Variants in CAMSAP1 observed in about 807,000 individuals in gnomAD.
CAMSAP1 encodes calmodulin-regulated spectrin-associated protein 1.
In CAMSAP1, 58 loss-of-function variants were observed where a neutral mutation model predicts 143.5. That is an observed-to-expected ratio of 0.40 (90% confidence interval 0.33 to 0.50). CAMSAP1 has a LOEUF of 0.50. CAMSAP1 is among the 20% of genes least tolerant of loss of function. The probability of loss-of-function intolerance (pLI) is 0.45; values close to 1 mark genes in which losing one functional copy is unlikely to be tolerated. For synonymous variants in CAMSAP1, 945 were observed against 859.3 expected, an observed-to-expected ratio of 1.10 and a Z score of -1.74; for missense variants, 1,969 against 2,115.7, an observed-to-expected ratio of 0.93 and a Z score of 1.36.
chr9:135,880,849 T>C (rs1404078631), intron 3 of CAMSAP1, among the ~76,000 whole-genome samples: 2 of 152,196 alleles, frequency 1.3e-5, no homozygotes, highest in African/African-American at 4.8e-5. Flanking sequence ...AAGGTAACCT[T>C]ATAAATCATT....
chr9:135,861,936 G>A (rs559828166), intron 5 of CAMSAP1, among the ~76,000 whole-genome samples: 23 of 152,278 alleles, frequency 1.5e-4, no homozygotes, highest in African/African-American at 4.3e-4. Flanking sequence ...CACTGTCATC[G>A]GAACGTCCCC....
chr9:135,821,359 G>C lies in CAMSAP1; in HGVS notation c.3302C>G (p.Ser1101Cys). 1 of 1,613,782 alleles carries C rather than the reference G, an allele frequency of 6.2e-7. No homozygotes were observed. Among genetic ancestry groups the C allele is most frequent in the Non-Finnish European group, 8.5e-7 (1 of 1,179,832 alleles). Residue 1101 changes from serine (S) to cysteine (C), a missense_variant, in exon 11 of 17, where the codon TCC (serine) becomes TGC (cysteine). Ser to Cys is a moderately radical substitution (Grantham distance 112, BLOSUM62 -1). Transcript: ENST00000389532. The surrounding 1 kb of genome is among the most constrained non-coding windows in gnomAD (Gnocchi z 4.6). ...GACCTTCAGCTCCGCCGGCCTTCCG[G>C]AACGGGAATTCCGGCCTTGACCCAG... ...PRLGQGRNSR[S>C]GRPAELKVPK...
chr9:135,891,165 T>C (rs1191292161), intron 1 of CAMSAP1, among the ~76,000 whole-genome samples: 1 of 152,090 alleles, frequency 6.6e-6, no homozygotes, highest in Non-Finnish European at 1.5e-5. Flanking sequence ...CCCTACAAGC[T>C]GGAGGGGGAA....
chr9:135,898,464 G>A (rs1371033927), intron 1 of CAMSAP1, among the ~76,000 whole-genome samples: 1 of 152,116 alleles, frequency 6.6e-6, no homozygotes, highest in Non-Finnish European at 1.5e-5. Flanking sequence ...GGGCAACACA[G>A]TGAGAGCCCA....
At position 135,907,243 on chromosome 9, in the gene CAMSAP1, G is replaced by T; in HGVS notation, c.-84C>A. 1.1e-6 allele frequency: 1 copy of T among 892,452 alleles called. No individual in the cohort carries two copies. Among genetic ancestry groups the T allele is most frequent in the Non-Finnish European group, 1.3e-6 (1 of 741,080 alleles). 55.3% of individuals were successfully genotyped at this position (892,452 alleles called of 1,614,324 possible). A position where few individuals can be genotyped will look rare whatever the true frequency, so the allele number is the denominator to read the frequency against. On this transcript the variant is annotated 5_prime_UTR_variant, in exon 1 of 17. Coordinates refer to ENST00000389532, the MANE Select transcript of CAMSAP1 (RefSeq NM_015447.4). ...CCGCGCCGGGCCCGGTGCGCCCCGA[G>T]CCACCACTCGGCCCCGCAGCCGGCC...
Position 135,820,517 on chromosome 9 carries a change from A to C in CAMSAP1, c.3822+322T>G, listed in dbSNP as rs747868730. 1.3e-5 allele frequency among the ~76,000 whole-genome samples: 2 copies of C among 151,150 alleles called. No individual in the cohort carries two copies. Among genetic ancestry groups the C allele is most frequent in the Non-Finnish European group, 2.9e-5 (2 of 67,898 alleles). On this transcript the variant is annotated intron_variant, in intron 11 of 16. Coordinates refer to ENST00000389532, the MANE Select transcript of CAMSAP1 (RefSeq NM_015447.4). This position sits in a 1 kb window ranked among gnomAD's most constrained non-coding sequence, Gnocchi z 4.4. ...TTTTACGCTTTGGGGCAGGACAGGG[A>C]GATGACAGGGTTTTGACTGGAAAAC...
intron 3 of CAMSAP1, among the ~76,000 whole-genome samples, chr9:135,876,491 G>A (rs753827262): frequency 6.6e-6 from 1 of 152,168 alleles, no homozygotes; most frequent in African/African-American, 2.4e-5. Flanking sequence ...AAACGACAAT[G>A]AGCGACAGTT....
intron 3 of CAMSAP1, among the ~76,000 whole-genome samples, chr9:135,868,773 C>T (rs184004923): frequency 5.9e-5 from 9 of 152,068 alleles, no homozygotes; most frequent in East Asian, 5.8e-4. Flanking sequence ...CCCACCACCA[C>T]GCCTGGCTAA....
intron 7 of CAMSAP1, among the ~76,000 whole-genome samples, chr9:135,845,112 C>T (rs1836504470): frequency 6.6e-6 from 1 of 152,140 alleles, no homozygotes; most frequent in Admixed American, 6.5e-5. Flanking sequence ...ATGCAAAAAT[C>T]CTCAATAAAA....
chr9:135,822,141 G>T lies in CAMSAP1; in HGVS notation c.2520C>A (p.Thr840=). 6.2e-7 allele frequency: 1 copy of T among 1,613,302 alleles called. No homozygotes were observed. The highest frequency in any genetic ancestry group is 8.5e-7 in the Non-Finnish European group (1 of 1,179,882). ...GGCAGCTCTCAGACGCATCTGGCGT[G>T]GTCTTCTGGGAGCTGCTGGTGCTGG... The part of the protein sequence containing the change: ...TKSSTSSSQK[T]TPDASESCPA... The change falls in exon 11 of 17, where the codon ACC becomes ACA. Residue 840 remains threonine, a synonymous_variant. Coordinates refer to ENST00000389532, the MANE Select transcript of CAMSAP1 (RefSeq NM_015447.4). This position sits in a 1 kb window ranked among gnomAD's most constrained non-coding sequence, Gnocchi z 6.1.
intron 4 of CAMSAP1, among the ~76,000 whole-genome samples, chr9:135,864,009 G>A (rs150372084): frequency 1.3e-5 from 2 of 152,348 alleles, no homozygotes; most frequent in East Asian, 3.9e-4. Context: ...ATCAGGTGCT[G>A]TGAACCTCTA....
At chr9:135,883,363 C>T (rs1194321134) in intron 1 of CAMSAP1, among the ~76,000 whole-genome samples, 6 of 152,156 alleles carry the variant, frequency 3.9e-5, no homozygotes, top group African/African-American at 1.4e-4. Flanking sequence ...CATTTCGTGA[C>T]CTCCACCGTG....
chr9:135,905,647 G>A (rs373451529), intron 1 of CAMSAP1, among the ~76,000 whole-genome samples: 9 of 152,202 alleles, frequency 5.9e-5, no homozygotes, highest in African/African-American at 1.7e-4. Flanking sequence ...CGTGGGATAA[G>A]GGAATAACAA....
At chr9:135,851,903 C>A (rs1564440434) in intron 5 of CAMSAP1, among the ~76,000 whole-genome samples, 1 of 152,214 alleles carries the variant, frequency 6.6e-6, no homozygotes, top group Non-Finnish European at 1.5e-5. Context: ...AGGGGACTCG[C>A]TGGGCCACGA....
At chr9:135,868,196 T>C (rs1429080722) in intron 3 of CAMSAP1, among the ~76,000 whole-genome samples, 1 of 152,176 alleles carries the variant, frequency 6.6e-6, no homozygotes, top group Non-Finnish European at 1.5e-5. Context: ...AAAAGAAGTT[T>C]TTTAGGCTGA....
intron 3 of CAMSAP1, among the ~76,000 whole-genome samples, chr9:135,878,515 G>T (rs1290358021): frequency 6.6e-6 from 1 of 152,204 alleles, no homozygotes; most frequent in Non-Finnish European, 1.5e-5. Flanking sequence ...TCAAAGAATT[G>T]ATGCTGGAGA....
intron 5 of CAMSAP1, among the ~76,000 whole-genome samples, chr9:135,855,861 G>A (rs959544911): frequency 6.6e-6 from 1 of 151,932 alleles, no homozygotes; most frequent in African/African-American, 2.4e-5. Context: ...GACCATCCTG[G>A]CTAACACGGT....
intron 5 of CAMSAP1, among the ~76,000 whole-genome samples, chr9:135,856,734 A>C (rs1836992965): frequency 6.6e-6 from 1 of 152,224 alleles, no homozygotes; most frequent in African/African-American, 2.4e-5. Flanking sequence ...TGGGTTACAC[A>C]GTGTCTCTAC....
chr9:135,843,272 A>G (rs1836428143), intron 7 of CAMSAP1, among the ~76,000 whole-genome samples: 1 of 152,108 alleles, frequency 6.6e-6, no homozygotes, highest in African/African-American at 2.4e-5. Context: ...GGCTGCAGTG[A>G]GCCAAGACCA....
Sources: gnomAD v4.1 joint callset for allele counts (sites outside exome capture counted in the v4.1 genomes callset) on GRCh38, gnomAD v4.1.1 for gene constraint, Gnocchi (gnomAD v3.1) non-coding constraint, MANE v1.5 for transcripts, NCBI Gene and HGNC (gene_info 2026-07-23, HGNC 2026-07-21) for gene names.